The following MAPK10 variants were observed in gnomAD, a reference collection of about 807,000 sequenced individuals.
The protein encoded by MAPK10 is JNK3 alpha protein kinase.
In MAPK10, 25 loss-of-function variants were observed where a neutral mutation model predicts 59.3. The ratio of observed to expected loss-of-function variants is 0.42; its 90% CI spans 0.31 to 0.59. The LOEUF (loss-of-function observed/expected upper bound fraction) is 0.59. Ranked by LOEUF, MAPK10 falls within the 20% of genes least tolerant of loss-of-function variation. The probability of loss-of-function intolerance (pLI) is 0.15; values close to 1 mark genes in which losing one functional copy is unlikely to be tolerated. For synonymous variants in MAPK10, 190 were observed against 200.5 expected (o/e 0.95, Z 0.44); for missense variants, 351 against 568.9 (o/e 0.62, Z 3.90).
chr4:86,251,837 G>A (rs2148714446), intron 2 of MAPK10, among the ~76,000 whole-genome samples: 1 of 139,464 alleles, frequency 7.2e-6, no homozygotes. Context: ...TCCAGCACCT[G>A]TCGTTTCCTG....
intron 1 of MAPK10, among the ~76,000 whole-genome samples, chr4:86,468,948 G>A (rs1033037721): frequency 2.6e-5 from 4 of 152,134 alleles, no homozygotes; most frequent in Non-Finnish European, 5.9e-5. Context: ...ATTCCCAATT[G>A]ACCAGGCTGG....
intron 1 of MAPK10, among the ~76,000 whole-genome samples, chr4:86,442,841 T>C (rs553609805): frequency 1.7e-4 from 26 of 152,310 alleles, no homozygotes; most frequent in African/African-American, 6.3e-4. Context: ...TTTCAATATT[T>C]TAATAAAAAT....
intron 2 of MAPK10, among the ~76,000 whole-genome samples, chr4:86,240,050 T>C (rs907302833): frequency 2.0e-5 from 3 of 152,216 alleles, no homozygotes; most frequent in Non-Finnish European, 4.4e-5. Context: ...ATGTTGTCTC[T>C]TTGTTCTCAT....
intron 3 of MAPK10, among the ~76,000 whole-genome samples, chr4:86,164,758 A>G (rs191093150): frequency 6.6e-6 from 1 of 152,334 alleles, no homozygotes; most frequent in Admixed American, 6.5e-5. Context: ...CACTCAAAAC[A>G]GATGGAGAAA....
chr4:86,286,264 C>A (rs576435407), intron 2 of MAPK10, among the ~76,000 whole-genome samples: 6 of 152,298 alleles, frequency 3.9e-5, no homozygotes, highest in African/African-American at 1.4e-4. Flanking sequence ...GATCTAAAAC[C>A]TGGGACATCA....
intron 2 of MAPK10, among the ~76,000 whole-genome samples, chr4:86,203,842 A>C (rs1161268142): frequency 6.6e-6 from 1 of 151,604 alleles, no homozygotes; most frequent in African/African-American, 2.4e-5. Context: ...TTATCTTTTC[A>C]GGGGCTGCAG....
At chr4:86,468,963 G>T (rs868747052) in intron 1 of MAPK10, among the ~76,000 whole-genome samples, 1 of 152,096 alleles carries the variant, frequency 6.6e-6, no homozygotes, top group Middle Eastern at 3.4e-3. Flanking sequence ...GGCTGGTCAG[G>T]GGATTCATAA....
intron 4 of MAPK10, among the ~76,000 whole-genome samples, chr4:86,121,016 A>G (rs1306371555): frequency 6.6e-6 from 1 of 152,228 alleles, no homozygotes; most frequent in Non-Finnish European, 1.5e-5. Context: ...TCTATTTCTT[A>G]TATATTCTTG....
In MAPK10 at chr4:86,015,570, T is replaced by C. The variant is rs1743019007; in HGVS notation, c.*1658A>G. 6.6e-6 allele frequency: 1 copy of C among 152,228 alleles called. No homozygotes were observed. The highest frequency in any genetic ancestry group is 1.5e-5 in the Non-Finnish European group (1 of 68,042). 9.4% of individuals were successfully genotyped at this position (152,228 alleles called of 1,614,324 possible). ...CTGAGATCACCTTGGTATTGCCTTG[T>C]ACATAACCAAGATGTTTCACAGTGC... On this transcript the variant is annotated 3_prime_UTR_variant, in exon 14 of 14. Coordinates refer to ENST00000641462, the MANE Select transcript of MAPK10 (RefSeq NM_138982.4).
intron 3 of MAPK10, among the ~76,000 whole-genome samples, chr4:86,167,245 A>C (rs2072078938): frequency 6.6e-6 from 1 of 152,226 alleles, no homozygotes; most frequent in African/African-American, 2.4e-5. Flanking sequence ...AACCAAAAAA[A>C]AGCCCAGGAC....
intron 3 of MAPK10, among the ~76,000 whole-genome samples, chr4:86,173,133 A>T (rs1197346471): frequency 2.0e-5 from 3 of 152,192 alleles, no homozygotes; most frequent in Non-Finnish European, 4.4e-5. Context: ...TAAAATTCAT[A>T]TGAAACCAAA....
chr4:86,350,415 C>T (rs1310955174), intron 2 of MAPK10, among the ~76,000 whole-genome samples: 14 of 152,140 alleles, frequency 9.2e-5, no homozygotes, highest in Non-Finnish European at 1.3e-4. Context: ...GGGGTTTCAC[C>T]GTGTTAGCCA....
chr4:86,136,261 A>G (rs1160831063), intron 4 of MAPK10, among the ~76,000 whole-genome samples: 1 of 152,204 alleles, frequency 6.6e-6, no homozygotes, highest in Non-Finnish European at 1.5e-5. Context: ...AAATAAAGGA[A>G]AAAATGTTAA....
At chr4:86,303,121 C>G (rs955427849) in intron 2 of MAPK10, among the ~76,000 whole-genome samples, 1 of 152,194 alleles carries the variant, frequency 6.6e-6, no homozygotes, top group African/African-American at 2.4e-5. Context: ...TTCAGGAAAA[C>G]AGCCATAGTG....
intron 1 of MAPK10, among the ~76,000 whole-genome samples, chr4:86,435,153 A>G (rs1748547643): frequency 6.6e-6 from 1 of 152,096 alleles, no homozygotes; most frequent in Non-Finnish European, 1.5e-5. Context: ...GATGAAAGGG[A>G]AAAAAAGAAT....
chr4:86,060,299 C>T (rs1184542309), intron 11 of MAPK10, among the ~76,000 whole-genome samples: 1 of 152,164 alleles, frequency 6.6e-6, no homozygotes, highest in Non-Finnish European at 1.5e-5. Flanking sequence ...GCTCCCTCTC[C>T]CTATGCCCTT....
chr4:86,123,077 G>A (rs28399149), intron 4 of MAPK10, among the ~76,000 whole-genome samples: 26,976 of 151,898 alleles, frequency 0.18, 2,497 homozygotes, highest in African/African-American at 0.21. Context: ...TGAAATCCAT[G>A]CATAACTTTT....
At chr4:86,183,619 T>G (rs563234784) in intron 3 of MAPK10, among the ~76,000 whole-genome samples, 4 of 152,270 alleles carry the variant, frequency 2.6e-5, no homozygotes, top group Non-Finnish European at 5.9e-5. Context: ...TGTGTCTTTA[T>G]AGTGGCATGA....
intron 4 of MAPK10, among the ~76,000 whole-genome samples, chr4:86,143,618 A>G (rs2064131487): frequency 6.6e-6 from 1 of 152,180 alleles, no homozygotes; most frequent in African/African-American, 2.4e-5. Context: ...CTAGACCAAA[A>G]CTTGGAAAGA....
Sources: allele counts gnomAD v4.1 joint callset (sites outside exome capture counted in the v4.1 genomes callset), GRCh38; gene constraint gnomAD v4.1.1; transcripts MANE v1.5; gene names NCBI Gene and HGNC (gene_info 2026-07-23, HGNC 2026-07-21).